Variants in NAALADL2 observed in about 807,000 individuals in gnomAD.
NAALADL2 encodes the protein inactive N-acetylated-alpha-linked acidic dipeptidase-like protein 2.
In NAALADL2, 76 loss-of-function variants were observed where a neutral mutation model predicts 87.2. The observed-to-expected ratio is 0.87, with a 90% CI of 0.72 to 1.05. NAALADL2 has a LOEUF of 1.05. Ranked by LOEUF, NAALADL2 falls within the 50% of genes least tolerant of loss-of-function variation. NAALADL2 has a pLI of 0.00. For missense variants in NAALADL2, 1,089 were observed against 945.8 expected (o/e 1.15, Z -1.99); for synonymous variants, 354 against 331.0 (o/e 1.07, Z -0.75).
At chr3:175,202,637 G>A (rs1740215492) in intron 2 of NAALADL2, among the ~76,000 whole-genome samples, 1 of 152,114 alleles carries the variant, frequency 6.6e-6, no homozygotes, top group South Asian at 2.1e-4. Flanking sequence ...CATCAGCTGT[G>A]GTAGTATGGA....
chr3:175,037,770 G>A (rs977855417), intron 1 of NAALADL2, among the ~76,000 whole-genome samples: 2 of 152,074 alleles, frequency 1.3e-5, no homozygotes, highest in Admixed American at 6.5e-5. Context: ...AGTTCTAAGG[G>A]GGTGGCTGGA....
chr3:175,300,835 C>G (rs1292805027), intron 4 of NAALADL2, among the ~76,000 whole-genome samples: 1 of 150,968 alleles, frequency 6.6e-6, no homozygotes, highest in African/African-American at 2.4e-5. Context: ...CTCCGCCTCC[C>G]AGGTTCAAGA....
At chr3:175,440,874 A>T (rs1719608562) in intron 5 of NAALADL2, among the ~76,000 whole-genome samples, 1 of 151,966 alleles carries the variant, frequency 6.6e-6, no homozygotes, top group African/African-American at 2.4e-5. Flanking sequence ...GATGTCCTTT[A>T]TTTCTTTCTC....
At chr3:174,482,224 G>T (rs542053021) in intron 1 of NAALADL2, among the ~76,000 whole-genome samples, 2 of 152,152 alleles carry the variant, frequency 1.3e-5, no homozygotes, top group Non-Finnish European at 2.9e-5. Context: ...TCCTGGTTGG[G>T]CCCCCTAATT....
At chr3:174,785,580 T>C (rs1311157892) in intron 3 of NAALADL2, among the ~76,000 whole-genome samples, 1 of 152,172 alleles carries the variant, frequency 6.6e-6, no homozygotes, top group Non-Finnish European at 1.5e-5. Context: ...ATGCAATGTC[T>C]CTGCAAATAA....
chr3:175,461,149 C>T (rs894888524), intron 6 of NAALADL2, among the ~76,000 whole-genome samples: 2 of 151,934 alleles, frequency 1.3e-5, no homozygotes, highest in African/African-American at 4.8e-5. Context: ...TTTAGCTAGA[C>T]ACAGAATGCT....
At chr3:175,778,032 G>A (rs1034340471) in intron 13 of NAALADL2, among the ~76,000 whole-genome samples, 45 of 152,262 alleles carry the variant, frequency 3.0e-4, no homozygotes, top group African/African-American at 9.9e-4. Context: ...ACTATTGGCT[G>A]TCTGATTATT....
At chr3:175,653,817 T>C (rs1731097682) in intron 11 of NAALADL2, among the ~76,000 whole-genome samples, 2 of 152,188 alleles carry the variant, frequency 1.3e-5, no homozygotes, top group South Asian at 4.1e-4. Flanking sequence ...TAATGAGCCT[T>C]AAAATTTTGT....
intron 6 of NAALADL2, among the ~76,000 whole-genome samples, chr3:175,449,568 T>A (rs1040961675): frequency 2.0e-5 from 3 of 151,900 alleles, no homozygotes; most frequent in Non-Finnish European, 4.4e-5. Context: ...TAATTTTTTG[T>A]ATTTTCAGTA....
chr3:175,499,484 GA>G (rs945425687), intron 9 of NAALADL2, among the ~76,000 whole-genome samples: 1 of 148,288 alleles, frequency 6.7e-6, no homozygotes, highest in African/African-American at 2.6e-5. Flanking sequence ...TAAACCTAAG[GA>G]ATTTTTTTTT....
At chr3:175,287,779 C>T (rs1581263487) in intron 4 of NAALADL2, among the ~76,000 whole-genome samples, 1 of 152,180 alleles carries the variant, frequency 6.6e-6, no homozygotes, top group African/African-American at 2.4e-5. Context: ...GCCTTTGAAT[C>T]TCCAGTGTCT....
At chr3:175,609,937 T>C (rs941721800) in intron 10 of NAALADL2, among the ~76,000 whole-genome samples, 1 of 152,154 alleles carries the variant, frequency 6.6e-6, no homozygotes. Flanking sequence ...ACATTAGTTC[T>C]CTTTATACTG....
At chr3:174,841,689 C>T (rs997967610) in intron 3 of NAALADL2, among the ~76,000 whole-genome samples, 2 of 152,076 alleles carry the variant, frequency 1.3e-5, no homozygotes, top group Non-Finnish European at 2.9e-5. Context: ...TTCTCTATGC[C>T]AATAATACCA....
At chr3:174,893,149 A>G (rs1306771314) in intron 1 of NAALADL2, among the ~76,000 whole-genome samples, 1 of 152,182 alleles carries the variant, frequency 6.6e-6, no homozygotes, top group Non-Finnish European at 1.5e-5. Flanking sequence ...GGCATGACAT[A>G]TCTAAAGAGG....
intron 2 of NAALADL2, among the ~76,000 whole-genome samples, chr3:174,731,750 G>A (rs78141201): frequency 0.028 from 4,226 of 152,198 alleles, 63 homozygotes; most frequent in Middle Eastern, 0.048. Context: ...TGTGATGCTT[G>A]TACTGCTAGT....
intron 1 of NAALADL2, among the ~76,000 whole-genome samples, chr3:174,920,943 C>T (rs913821319): frequency 6.6e-6 from 1 of 152,158 alleles, no homozygotes; most frequent in East Asian, 1.9e-4. Context: ...GTAGAACTCT[C>T]AGAACACGGT....
chr3:175,360,352 T>A (rs1419756561), intron 5 of NAALADL2, among the ~76,000 whole-genome samples: 1 of 152,160 alleles, frequency 6.6e-6, no homozygotes, highest in African/African-American at 2.4e-5. Context: ...ATATATCAGA[T>A]GTTCTTTCCA....
intron 4 of NAALADL2, among the ~76,000 whole-genome samples, chr3:175,296,898 G>A (rs1212574505): frequency 1.3e-5 from 2 of 152,104 alleles, no homozygotes; most frequent in Non-Finnish European, 2.9e-5. Flanking sequence ...GTAGGCAGAG[G>A]CAATGGAAGA....
At chr3:175,504,557 C>T (rs1730000308) in intron 9 of NAALADL2, among the ~76,000 whole-genome samples, 2 of 126,528 alleles carry the variant, frequency 1.6e-5, no homozygotes, top group South Asian at 5.5e-4. Context: ...CTCTCTGTCT[C>T]TCTCTGTTTC....
Sources: gnomAD v4.1 joint callset for allele counts (sites outside exome capture counted in the v4.1 genomes callset) on GRCh38, gnomAD v4.1.1 for gene constraint, MANE v1.5 for transcripts, NCBI Gene and HGNC (gene_info 2026-07-23, HGNC 2026-07-21) for gene names.